Variants in PDE1C observed in about 807,000 individuals in gnomAD.
PDE1C encodes phosphodiesterase 1C.
A neutral mutation model predicts 93.1 loss-of-function variants in PDE1C; 62 were observed. The ratio of observed to expected loss-of-function variants is 0.67; its 90% CI spans 0.54 to 0.82. The LOEUF (loss-of-function observed/expected upper bound fraction) is 0.82. Among genes scored for constraint, PDE1C ranks in the 40% least tolerant of loss-of-function variants. The pLI is 0.00. For synonymous variants in PDE1C, 325 were observed against 310.1 expected (o/e 1.05, Z -0.50); for missense variants, 742 against 884.6 (o/e 0.84, Z 2.04).
intron 1 of PDE1C, among the ~76,000 whole-genome samples, chr7:32,395,291 T>G (rs1216069793): frequency 6.6e-6 from 1 of 152,018 alleles, no homozygotes; most frequent in Non-Finnish European, 1.5e-5. Context: ...CAGGGGGAAG[T>G]GTGCTTTGGG....
intron 3 of PDE1C, among the ~76,000 whole-genome samples, chr7:32,080,943 ACTC>A (rs1294535654): frequency 6.6e-6 from 1 of 152,050 alleles, no homozygotes; most frequent in Non-Finnish European, 1.5e-5. Flanking sequence ...ATATATTTCT[ACTC>A]CTGAGATATA....
chr7:32,389,499 G>A (rs1784712688), intron 1 of PDE1C, among the ~76,000 whole-genome samples: 1 of 152,198 alleles, frequency 6.6e-6, no homozygotes, highest in Non-Finnish European at 1.5e-5. Flanking sequence ...TAACAGGCAT[G>A]AGCCACCACG....
intron 1 of PDE1C, among the ~76,000 whole-genome samples, chr7:32,255,801 C>A (rs2128877787): frequency 6.6e-6 from 1 of 152,126 alleles, no homozygotes; most frequent in East Asian, 1.9e-4. Context: ...TGTGGTGTAC[C>A]CAGAGTTAAG....
intron 2 of PDE1C, among the ~76,000 whole-genome samples, chr7:32,027,184 T>C (rs555987135): frequency 2.0e-5 from 3 of 152,212 alleles, no homozygotes; most frequent in African/African-American, 7.2e-5. Context: ...GAATGATCTG[T>C]CAATGTAGGT....
rs1483362960 is a variant in PDE1C at position 32,112,802 on chromosome 7, A to ATGTG, written c.308+56982_308+56983insCACA. Among the ~76,000 whole-genome samples, 9 of 98,682 alleles carry ATGTG rather than the reference A, an allele frequency of 9.1e-5. No individual in the cohort carries two copies. In the South Asian group the frequency reaches 1.8e-3, roughly 20 times the overall value. 64.7% of individuals were successfully genotyped at this position (98,682 alleles called of 152,430 possible). On this transcript the variant is annotated intron_variant, in intron 3 of 18. Transcript: ENST00000396193. ...TTACATATAAAACATATATATACAT[A>ATGTG]TATGTGTGTGTGTGTGTGTGTGTGT...
At chr7:31,653,000 C>T in the PDE1C span, 3 of 1,422,872 alleles carry the variant, frequency 2.1e-6, no homozygotes, top group East Asian at 5.0e-5. Flanking sequence ...CTCTAATACT[C>T]ATTCAGTATA....
intron 1 of PDE1C, among the ~76,000 whole-genome samples, chr7:32,350,574 ATATATATATATATATATTTT>A (rs1345803482): frequency 0.023 from 25 of 1,102 alleles, 5 homozygotes; most frequent in African/African-American, 0.029. Flanking sequence ...ATATATATAT[ATATATATATATATATATTTT>A]TTTTTTTTTT....
At chr7:31,964,128 G>A (rs117902049) in intron 2 of PDE1C, among the ~76,000 whole-genome samples, 120 of 152,330 alleles carry the variant, frequency 7.9e-4, no homozygotes, top group Middle Eastern at 3.4e-3. Flanking sequence ...TGGGTGCAGC[G>A]CACCGTGCGT....
rs189542200 is a variant in PDE1C at position 31,958,770 on chromosome 7, A to G, written c.129-77910T>C. Among the ~76,000 whole-genome samples the G allele has an allele frequency of 1.1e-3, 169 of 152,290 alleles. 1 individual carries two copies. Among genetic ancestry groups the G allele is most frequent in the African/African-American group, 3.7e-3 (152 of 41,556 alleles). Reference sequence around the variant, plus strand: ...ACTTTCCAAGGAATTTTGGAATTCTAGAGAAGTCTCTGGATTGGTTAATCA... The same window carrying G: ...ACTTTCCAAGGAATTTTGGAATTCTGGAGAAGTCTCTGGATTGGTTAATCA... On this transcript the variant is annotated intron_variant, in intron 2 of 17. Coordinates refer to ENST00000396191, the MANE Select transcript of PDE1C (RefSeq NM_001191057.4).
intron 2 of PDE1C, among the ~76,000 whole-genome samples, chr7:32,192,334 T>C (rs899110428): frequency 3.9e-5 from 6 of 152,194 alleles, no homozygotes; most frequent in African/African-American, 7.2e-5. Context: ...CAGTTTTATA[T>C]TTAGGCCCAT....
chr7:31,922,324 C>A (rs559523578), intron 2 of PDE1C, among the ~76,000 whole-genome samples: 1 of 152,288 alleles, frequency 6.6e-6, no homozygotes, highest in South Asian at 2.1e-4. Context: ...CAAGAATTCT[C>A]TCTAAAATTA....
intron 2 of PDE1C, among the ~76,000 whole-genome samples, chr7:32,000,680 T>C (rs1289735510): frequency 6.6e-6 from 1 of 152,152 alleles, no homozygotes; most frequent in African/African-American, 2.4e-5. Flanking sequence ...GACACGCTCA[T>C]GTCCCATGGG....
intron 2 of PDE1C, among the ~76,000 whole-genome samples, chr7:31,918,512 G>T (rs1187968692): frequency 1.3e-5 from 2 of 152,170 alleles, no homozygotes; most frequent in African/African-American, 2.4e-5. Flanking sequence ...AAATCTGCTT[G>T]TTCCTCTGAA....
the PDE1C span, among the ~76,000 whole-genome samples, chr7:31,663,794 G>A: frequency 3.3e-5 from 5 of 152,128 alleles, no homozygotes; most frequent in Non-Finnish European, 7.4e-5. Context: ...ACTGTGCTAA[G>A]TTCTTTATAT....
At chr7:31,624,757 C>A in the PDE1C span, among the ~76,000 whole-genome samples, 2 of 151,742 alleles carry the variant, frequency 1.3e-5, no homozygotes, top group East Asian at 1.9e-4. Flanking sequence ...GCAACAAAAG[C>A]CAAAAGTGAC....
intron 1 of PDE1C, among the ~76,000 whole-genome samples, chr7:32,366,226 A>T (rs2128086474): frequency 6.6e-6 from 1 of 152,314 alleles, no homozygotes; most frequent in Non-Finnish European, 1.5e-5. Context: ...CAACAAAGAG[A>T]TAGATATCAT....
chr7:32,126,901 G>C (rs938704059), intron 3 of PDE1C, among the ~76,000 whole-genome samples: 1 of 151,478 alleles, frequency 6.6e-6, no homozygotes, highest in African/African-American at 2.4e-5. Context: ...GTGTCAATGT[G>C]ACTGGGCCAC....
chr7:32,103,446 C>T (rs564423876), intron 3 of PDE1C, among the ~76,000 whole-genome samples: 24 of 152,188 alleles, frequency 1.6e-4, no homozygotes, highest in Admixed American at 3.9e-4. Context: ...GGCAGCCAGA[C>T]GGATGCCTCT....
upstream of PDE1C, among the ~76,000 whole-genome samples, chr7:32,303,500 G>T (rs1292825786): frequency 6.6e-6 from 1 of 152,120 alleles, no homozygotes; most frequent in Non-Finnish European, 1.5e-5. Flanking sequence ...TGTGTTTCTG[G>T]ATGCAGTTCC....
Sources: gnomAD v4.1 joint callset for allele counts (sites outside exome capture counted in the v4.1 genomes callset) on GRCh38, gnomAD v4.1.1 for gene constraint, MANE v1.5 for transcripts, NCBI Gene and HGNC (gene_info 2026-07-23, HGNC 2026-07-21) for gene names.